Variants in GPC5 observed in about 807,000 individuals in gnomAD.
GPC5 encodes the protein glypican 5, also known as glypican-5.
GPC5 carries 47 observed loss-of-function variants against 53.9 expected under a neutral mutation model. The observed-to-expected ratio is 0.87, with a 90% confidence interval of 0.69 to 1.11. The LOEUF is 1.11. GPC5 is among the 50% of genes most tolerant of loss of function. The pLI, the probability that GPC5 is intolerant of heterozygous loss-of-function variation, is 0.00. For missense variants in GPC5, 748 were observed against 713.1 expected (o/e 1.05, Z -0.56); for synonymous variants, 286 against 263.3 (o/e 1.09, Z -0.84).
chr13:92,264,878 C>CTCTCTG (rs1310875481), intron 7 of GPC5, among the ~76,000 whole-genome samples: 3 of 104,764 alleles, frequency 2.9e-5, no homozygotes, highest in South Asian at 4.5e-4. Flanking sequence ...CTCTCTCTCT[C>CTCTCTG]TGTGTGTGTG....
intron 2 of GPC5, among the ~76,000 whole-genome samples, chr13:91,449,870 T>A (rs1881066470): frequency 1.3e-5 from 2 of 152,174 alleles, no homozygotes; most frequent in African/African-American, 4.8e-5. Context: ...TTAGCTATTC[T>A]GTATATGACT....
intron 5 of GPC5, among the ~76,000 whole-genome samples, chr13:91,774,324 T>C (rs991099852): frequency 9.9e-5 from 15 of 152,180 alleles, no homozygotes; most frequent in African/African-American, 3.4e-4. Context: ...CAAAAGAAAT[T>C]CCCTACTGAA....
Position 92,444,988 on chromosome 13 carries a change from T to C in GPC5, c.1561+299999T>C, listed in dbSNP as rs146536352. Among the ~76,000 whole-genome samples, 412 of 152,252 alleles carry C rather than the reference T, an allele frequency of 2.7e-3. 3 individuals are homozygous for C. The highest frequency in any genetic ancestry group is 9.5e-3 in the African/African-American group (393 of 41,568). ...AGTTCAGGTGGCATACATAGTCCTC[T>C]GGTTAGAAGAATGCCTGAAAGATTT... On this transcript the variant is annotated intron_variant, in intron 7 of 7. Coordinates refer to ENST00000377067, the MANE Select transcript of GPC5 (RefSeq NM_004466.6).
At chr13:92,577,418 A>ATGTGTGTGTG (rs56162097) in intron 7 of GPC5, among the ~76,000 whole-genome samples, 15,571 of 145,262 alleles carry the variant, frequency 0.11, 866 homozygotes, top group Non-Finnish European at 0.12. Context: ...ATGTATGTAT[A>ATGTGTGTGTG]TGTGTGTGTG....
At chr13:91,503,201 A>G (rs908208522) in intron 2 of GPC5, among the ~76,000 whole-genome samples, 14 of 152,158 alleles carry the variant, frequency 9.2e-5, no homozygotes, top group African/African-American at 3.1e-4. Flanking sequence ...CAAGACAGTG[A>G]ATACACTCAG....
At chr13:92,834,207 A>G (rs1009406941) in intron 7 of GPC5, among the ~76,000 whole-genome samples, 11 of 152,204 alleles carry the variant, frequency 7.2e-5, no homozygotes, top group Admixed American at 7.2e-4. Flanking sequence ...TATTAACACA[A>G]TACCTAATTC....
chr13:92,614,133 C>G (rs953941886), intron 7 of GPC5, among the ~76,000 whole-genome samples: 1 of 152,098 alleles, frequency 6.6e-6, no homozygotes, highest in Admixed American at 6.6e-5. Flanking sequence ...CTCTCACTCA[C>G]CAAATATAAT....
chr13:92,748,199 A>AACTC (rs1889285673), intron 7 of GPC5, among the ~76,000 whole-genome samples: 1 of 151,968 alleles, frequency 6.6e-6, no homozygotes, highest in South Asian at 2.1e-4. Flanking sequence ...ATGGAGTATG[A>AACTC]ACTCAGTACT....
intron 7 of GPC5, among the ~76,000 whole-genome samples, chr13:92,689,408 C>T (rs1250623397): frequency 3.6e-5 from 1 of 28,014 alleles, no homozygotes; most frequent in African/African-American, 8.9e-5. Context: ...TTTTTGTTTT[C>T]CATTGGCTTG....
rs115770884 is a variant in GPC5 at position 91,783,430 on chromosome 13, C to G, written c.1280+27010C>G. Among the ~76,000 whole-genome samples the G allele has an allele frequency of 6.7e-3, 1,017 of 151,980 alleles. 9 individuals carry two copies. Among genetic ancestry groups the G allele is most frequent in the African/African-American group, 0.023 (963 of 41,468 alleles). ...ACCTAAATTTAAAAAATAGTTTTTACTTTAATTAATTTATTTATTTTGAGA... is the reference window on the plus strand; with the variant it reads ...ACCTAAATTTAAAAAATAGTTTTTAGTTTAATTAATTTATTTATTTTGAGA... On this transcript the variant is annotated intron_variant, in intron 5 of 7. Coordinates refer to ENST00000377067, the MANE Select transcript of GPC5 (RefSeq NM_004466.6).
intron 7 of GPC5, among the ~76,000 whole-genome samples, chr13:92,342,451 A>C (rs185279493): frequency 7.4e-4 from 113 of 152,186 alleles, no homozygotes; most frequent in African/African-American, 2.5e-3. Flanking sequence ...TTGAGTCATG[A>C]GTCCTCCGCC....
chr13:92,568,268 T>C (rs912710608), intron 7 of GPC5, among the ~76,000 whole-genome samples: 1 of 152,210 alleles, frequency 6.6e-6, no homozygotes, highest in Admixed American at 6.5e-5. Flanking sequence ...AACCAATCTG[T>C]TCAAAGTAAT....
At chr13:91,745,272 G>A (rs2037023535) in intron 4 of GPC5, among the ~76,000 whole-genome samples, 1 of 152,100 alleles carries the variant, frequency 6.6e-6, no homozygotes, top group African/African-American at 2.4e-5. Context: ...GGGACATTAA[G>A]TGGTAATGTG....
intron 6 of GPC5, among the ~76,000 whole-genome samples, chr13:92,020,286 T>C (rs2040745993): frequency 6.6e-6 from 1 of 152,254 alleles, no homozygotes; most frequent in East Asian, 1.9e-4. Flanking sequence ...CTTTTATCCT[T>C]AATCTACATA....
At chr13:92,243,531 G>A (rs748096416) in intron 7 of GPC5, among the ~76,000 whole-genome samples, 3 of 152,076 alleles carry the variant, frequency 2.0e-5, no homozygotes, top group Non-Finnish European at 2.9e-5. Context: ...CATCTTAAAG[G>A]TTGATATTAT....
chr13:91,658,083 A>G (rs1369776935), intron 2 of GPC5, among the ~76,000 whole-genome samples: 2 of 152,120 alleles, frequency 1.3e-5, no homozygotes, highest in African/African-American at 2.4e-5. Context: ...TTAACATATA[A>G]ATACATATTA....
At chr13:91,411,848 C>G (rs960873264) in intron 1 of GPC5, among the ~76,000 whole-genome samples, 1 of 152,098 alleles carries the variant, frequency 6.6e-6, no homozygotes, top group Non-Finnish European at 1.5e-5. Context: ...ATATGTCAAG[C>G]CACAGCTTTC....
At position 91,489,327 on chromosome 13, in the gene GPC5, C is replaced by T. The variant is rs141354203; in HGVS notation, c.325+40405C>T. Among the ~76,000 whole-genome samples the T allele has an allele frequency of 9.3e-3, 1,411 of 152,264 alleles. 21 individuals are homozygous for T. Among genetic ancestry groups the T allele is most frequent in the African/African-American group, 0.031 (1,296 of 41,538 alleles). On this transcript the variant is annotated intron_variant, in intron 2 of 7. Transcript: ENST00000377067. ...ACCTACTGACATGTGATGTCTCCCCCGGACACCCAGCTTTAAAATTTCTCT... is the reference window on the plus strand; with the variant it reads ...ACCTACTGACATGTGATGTCTCCCCTGGACACCCAGCTTTAAAATTTCTCT...
At chr13:92,087,701 A>G (rs2041346859) in intron 6 of GPC5, among the ~76,000 whole-genome samples, 1 of 152,134 alleles carries the variant, frequency 6.6e-6, no homozygotes. Flanking sequence ...ACCTTTCATT[A>G]TATCTTGTAT....
Sources: gnomAD v4.1 joint callset for allele counts (sites outside exome capture counted in the v4.1 genomes callset) on GRCh38, gnomAD v4.1.1 for gene constraint, MANE v1.5 for transcripts, NCBI Gene and HGNC (gene_info 2026-07-23, HGNC 2026-07-21) for gene names.